Variants in TNRC6B observed in about 807,000 individuals in gnomAD.
TNRC6B encodes trinucleotide repeat containing adaptor 6B, also known as trinucleotide repeat-containing gene 6B protein.
In TNRC6B, 52 loss-of-function variants were observed where a neutral mutation model predicts 203.6. The ratio of observed to expected loss-of-function variants is 0.26; its 90% CI spans 0.20 to 0.32. TNRC6B has a LOEUF of 0.32. TNRC6B is among the 10% of genes least tolerant of loss of function. The pLI is 1.00. For synonymous variants in TNRC6B, 838 were observed against 845.7 expected (o/e 0.99, Z 0.16); for missense variants, 1,923 against 2,286.2 (o/e 0.84, Z 3.24).
chr22:40,133,797 T>C (rs1019463920), intron 3 of TNRC6B, among the ~76,000 whole-genome samples: 3 of 151,536 alleles, frequency 2.0e-5, no homozygotes, highest in African/African-American at 7.3e-5. Context: ...GGAGAAACCC[T>C]GTCTCTACTG....
intron 1 of TNRC6B, among the ~76,000 whole-genome samples, chr22:40,055,325 AG>A (rs1302259980): frequency 6.6e-6 from 1 of 152,182 alleles, no homozygotes; most frequent in East Asian, 1.9e-4. Context: ...TTCCCAGGGA[AG>A]GTGACACTCA....
chr22:40,213,370 G>T (rs2069590536), intron 1 of TNRC6B, among the ~76,000 whole-genome samples: 1 of 152,192 alleles, frequency 6.6e-6, no homozygotes, highest in Non-Finnish European at 1.5e-5. Flanking sequence ...ATTGATACGA[G>T]CAGTGACCCC....
At chr22:40,322,490 CTT>C in intron 22 of TNRC6B, among the ~76,000 whole-genome samples, 1 of 152,234 alleles carries the variant, frequency 6.6e-6, no homozygotes, top group East Asian at 1.9e-4. Context: ...AGTCATCCCT[CTT>C]AGCCCCCCAC....
At chr22:40,076,144 C>T (rs758491366) in intron 1 of TNRC6B, among the ~76,000 whole-genome samples, 13 of 152,166 alleles carry the variant, frequency 8.5e-5, no homozygotes, top group East Asian at 3.8e-4. Context: ...AGGCTGTGCA[C>T]GGTGGCTCAC....
chr22:40,123,356 G>T (rs1040133345), intron 2 of TNRC6B, among the ~76,000 whole-genome samples: 1 of 152,188 alleles, frequency 6.6e-6, no homozygotes, highest in Non-Finnish European at 1.5e-5. Flanking sequence ...GCTAGAAAGA[G>T]ACTTAAGAAA....
chr22:40,203,119 G>C (rs1442406585), intron 1 of TNRC6B, among the ~76,000 whole-genome samples: 6 of 152,110 alleles, frequency 3.9e-5, no homozygotes, highest in Admixed American at 3.9e-4. Flanking sequence ...GAGTATAGTA[G>C]AGAGAAGTAG....
rs902659069 is a variant in TNRC6B at position 40,331,571 on chromosome 22, C to T, written c.*8330C>T. Reference sequence around the variant, plus strand: ...GCTGCTTCTGCGCTTTGCTCTCATTCCTCTCTCATGGCCTTGAAATGTATT... The same window carrying T: ...GCTGCTTCTGCGCTTTGCTCTCATTTCTCTCTCATGGCCTTGAAATGTATT... On this transcript the variant is annotated 3_prime_UTR_variant, in exon 23 of 23. Coordinates refer to ENST00000454349, the MANE Select transcript of TNRC6B (RefSeq NM_001162501.2). 2.1e-5 allele frequency: 8 copies of T among 376,966 alleles called. No homozygotes were observed. The South Asian group carries it at 1.1e-3, about 50-fold the overall frequency. 23.4% of individuals were successfully genotyped at this position (376,966 alleles called of 1,614,324 possible).
chr22:40,227,303 C>T (rs2069802393), intron 1 of TNRC6B, among the ~76,000 whole-genome samples: 1 of 150,236 alleles, frequency 6.7e-6, no homozygotes, highest in African/African-American at 2.4e-5. Context: ...CCCACCTCAG[C>T]CTCCCAAAGT....
At chr22:40,319,595 T>A (rs2071308522) in intron 21 of TNRC6B, among the ~76,000 whole-genome samples, 1 of 152,090 alleles carries the variant, frequency 6.6e-6, no homozygotes, top group Admixed American at 6.5e-5. Flanking sequence ...TGGCTAATTT[T>A]TTTGTGTTTT....
At chr22:40,130,001 GAAATT>G (rs1336502956) in intron 3 of TNRC6B, among the ~76,000 whole-genome samples, 4 of 152,146 alleles carry the variant, frequency 2.6e-5, no homozygotes, top group Non-Finnish European at 5.9e-5. Flanking sequence ...GGGTTAAAGA[GAAATT>G]AAATGATTTT....
At chr22:40,280,792 G>T (rs1480547747) in intron 10 of TNRC6B, among the ~76,000 whole-genome samples, 1 of 152,288 alleles carries the variant, frequency 6.6e-6, no homozygotes, top group East Asian at 1.9e-4. Context: ...CACAAGATTG[G>T]CCTGGCTTCT....
intron 1 of TNRC6B, among the ~76,000 whole-genome samples, chr22:40,222,095 G>A (rs571603723): frequency 6.6e-6 from 1 of 152,210 alleles, no homozygotes; most frequent in African/African-American, 2.4e-5. Context: ...ACCCATCTCT[G>A]TTGGGCAGTA....
At chr22:40,157,940 A>G (rs768647121) in intron 4 of TNRC6B, among the ~76,000 whole-genome samples, 1 of 152,210 alleles carries the variant, frequency 6.6e-6, no homozygotes, top group Non-Finnish European at 1.5e-5. Context: ...ATTTGAACCC[A>G]GATCTTACCG....
chr22:40,296,944 A>T (rs533027648), intron 12 of TNRC6B, among the ~76,000 whole-genome samples: 6 of 152,274 alleles, frequency 3.9e-5, no homozygotes, highest in South Asian at 2.1e-4. Context: ...GGAAATTTTT[A>T]AAATGATTTC....
At chr22:40,271,989 TTTA>T (rs2070570399) in intron 6 of TNRC6B, among the ~76,000 whole-genome samples, 1 of 11,910 alleles carries the variant, frequency 8.4e-5, no homozygotes, top group Admixed American at 1.9e-3. Context: ...GAAGTTTAGC[TTTA>T]TCTCTCTAAA....
At chr22:40,236,578 C>A (rs149166029) in intron 1 of TNRC6B, among the ~76,000 whole-genome samples, 768 of 152,312 alleles carry the variant, frequency 5.0e-3, no homozygotes, top group Non-Finnish European at 8.6e-3. Context: ...GCCACACTTA[C>A]TGATCACAGG....
chr22:40,088,584 T>TTGTGTGTGTG (rs58537972), intron 1 of TNRC6B, among the ~76,000 whole-genome samples: 5,455 of 125,110 alleles, frequency 0.044, 173 homozygotes, highest in Admixed American at 0.048. Context: ...GCGGCTACTT[T>TTGTGTGTGTG]TGTGTGTGTG....
intron 1 of TNRC6B, among the ~76,000 whole-genome samples, chr22:40,066,925 G>A (rs1306400296): frequency 6.9e-6 from 1 of 143,962 alleles, no homozygotes; most frequent in East Asian, 2.1e-4. Flanking sequence ...TTTTTTTTGA[G>A]ACAGAGTTTC....
In TNRC6B at chr22:40,154,892, T is replaced by TAC. The variant is rs1260629374; in HGVS notation, c.46-1222_46-1221insCA. Among the ~76,000 whole-genome samples the TAC allele has an allele frequency of 2.4e-3, 98 of 40,522 alleles. 2 individuals carry two copies. Among genetic ancestry groups the TAC allele is most frequent in the East Asian group, 1.8e-3 (4 of 2,250 alleles). 26.6% of individuals were successfully genotyped at this position (40,522 alleles called of 152,430 possible). ...ATATATATATATATATATATATATA[T>TAC]ATACATATATATATATATTCTGCTT... On this transcript the variant is annotated intron_variant, in intron 3 of 23. Coordinates refer to the TNRC6B transcript ENST00000301923.
Sources: allele counts gnomAD v4.1 joint callset (sites outside exome capture counted in the v4.1 genomes callset), GRCh38; gene constraint gnomAD v4.1.1; transcripts MANE v1.5; gene names NCBI Gene and HGNC (gene_info 2026-07-23, HGNC 2026-07-21).